The following SLC29A3 variants were observed in gnomAD, a reference collection of about 807,000 sequenced individuals.
The protein encoded by SLC29A3 is solute carrier family 29 member 3.
In SLC29A3, 18 loss-of-function variants were observed where a neutral mutation model predicts 25.4. The observed-to-expected ratio is 0.71, with a 90% CI of 0.49 to 1.05. The LOEUF is 1.05. Ranked by LOEUF, SLC29A3 falls within the 50% of genes least tolerant of loss-of-function variation. The pLI is 0.00. For synonymous variants in SLC29A3, 258 were observed against 267.1 expected (o/e 0.97, Z 0.33); for missense variants, 586 against 609.0 (o/e 0.96, Z 0.40).
rs139787525 is a variant in SLC29A3 at position 71,332,514 on chromosome 10, G to A, written c.300+9460G>A. On this transcript the variant is annotated intron_variant, in intron 2 of 5. Transcript: ENST00000373189. ...GAAGGGCACAACACCCCTCCTCCCC[G>A]CATAGAAAGAAGTGTATTAAAGTGG... Among the ~76,000 whole-genome samples the A allele has an allele frequency of 6.1e-3, 930 of 152,192 alleles. 11 individuals are homozygous for A. The highest frequency in any genetic ancestry group is 0.019 in the African/African-American group (788 of 41,532).
chr10:71,355,509 G>A (rs1316275136), intron 4 of SLC29A3, among the ~76,000 whole-genome samples: 1 of 152,180 alleles, frequency 6.6e-6, no homozygotes, highest in Non-Finnish European at 1.5e-5. Flanking sequence ...CCGCCTTGGG[G>A]TACACAGTAG....
intron 5 of SLC29A3, among the ~76,000 whole-genome samples, chr10:71,359,907 C>G (rs542523731): frequency 6.6e-6 from 1 of 152,324 alleles, no homozygotes; most frequent in East Asian, 1.9e-4. Flanking sequence ...GGTTGAGTGG[C>G]TCAGGCAAGG....
At chr10:71,351,889 G>C (rs1846775097) in intron 4 of SLC29A3, 101 bp downstream of exon 4, 2 of 1,000,950 alleles carry the variant, frequency 2.0e-6, no homozygotes, top group Non-Finnish European at 3.0e-6. Flanking sequence ...AAAAGGAAAT[G>C]GCATGGGTGC....
At chr10:71,346,981 T>C (rs567866171) in intron 3 of SLC29A3, among the ~76,000 whole-genome samples, 1 of 152,202 alleles carries the variant, frequency 6.6e-6, no homozygotes, top group Admixed American at 6.5e-5. Flanking sequence ...TACAGGACAT[T>C]CTCAGAGGGA....
chr10:71,379,056 A>C lies in SLC29A3; in HGVS notation c.*212-710A>C, dbSNP rs531745805. On this transcript the variant is annotated intron_variant and NMD_transcript_variant, in intron 4 of 4. Coordinates refer to the SLC29A3 transcript ENST00000642772. The stretch of plus-strand genomic sequence containing the variant: ...ATGCTTTGCTCTCATTGTCTGCTTC[A>C]CCCTCACAATGCCTCAGTTGAGAGG... 2.0e-5 allele frequency among the ~76,000 whole-genome samples: 3 copies of C among 152,164 alleles called. No homozygotes were observed. The South Asian group carries it at 6.2e-4, about 32-fold the overall frequency.
downstream of SLC29A3, chr10:71,365,855 G>A (rs778288047): frequency 3.3e-5 from 5 of 152,146 alleles, no homozygotes; most frequent in Non-Finnish European, 5.9e-5. Flanking sequence ...CACCAAAAAG[G>A]AGGGGAGTTT....
At chr10:71,334,403 CACTT>C (rs961869062) in intron 2 of SLC29A3, among the ~76,000 whole-genome samples, 3 of 152,226 alleles carry the variant, frequency 2.0e-5, no homozygotes, top group Admixed American at 6.5e-5. Flanking sequence ...TGGGAACACT[CACTT>C]ACAGCTCTTT....
intron 4 of SLC29A3, among the ~76,000 whole-genome samples, chr10:71,355,288 C>T (rs968650261): frequency 6.6e-6 from 1 of 152,210 alleles, no homozygotes; most frequent in Non-Finnish European, 1.5e-5. Flanking sequence ...CCCGTTGGCA[C>T]CCGAGTAGGT....
exon 5 of SLC29A3, chr10:71,379,926 C>A (rs1177575164): frequency 6.6e-6 from 1 of 152,192 alleles, no homozygotes; most frequent in Non-Finnish European, 1.5e-5. Flanking sequence ...CCCTCAAGGT[C>A]CATCCCTATA....
At chr10:71,350,086 G>C (rs12261581) in intron 3 of SLC29A3, among the ~76,000 whole-genome samples, 4,517 of 152,252 alleles carry the variant, frequency 0.03, 217 homozygotes, top group African/African-American at 0.1. Context: ...TGAGTGATGG[G>C]CTGGGGCTCA....
intron 3 of SLC29A3, among the ~76,000 whole-genome samples, chr10:71,346,221 C>T (rs570176653): frequency 2.0e-5 from 3 of 152,354 alleles, no homozygotes; most frequent in South Asian, 4.1e-4. Context: ...AGGGAACGTC[C>T]AGCCTCTGGG....
chr10:71,322,981 A>G lies in SLC29A3; in HGVS notation c.227A>G (p.Glu76Gly). 1 of 1,614,138 alleles carries G rather than the reference A, an allele frequency of 6.2e-7. No individual in the cohort carries two copies. Among genetic ancestry groups the G allele is most frequent in the Non-Finnish European group, 8.5e-7 (1 of 1,180,040 alleles). Residue 76 changes from glutamate (E) to glycine (G), a missense_variant, in exon 2 of 6, where the codon GAG (glutamate) becomes GGG (glycine). By Grantham distance (98) the Glu-to-Gly change is moderately conservative. Transcript: ENST00000373189. ...LPWNFFITAK[E>G]YWMFKLRNSS... ...TGGAACTTCTTTATCACTGCCAAGG[A>G]GTACTGGATGTTCAAACTCCGCAAC...
chr10:71,338,971 T>A (rs1846325072), intron 2 of SLC29A3, among the ~76,000 whole-genome samples: 2 of 152,172 alleles, frequency 1.3e-5, no homozygotes, highest in Non-Finnish European at 2.9e-5. Context: ...GGCTTGTGCC[T>A]CCAGGAGACA....
At chr10:71,360,110 GCT>G (rs1343478518) in intron 5 of SLC29A3, among the ~76,000 whole-genome samples, 1 of 147,440 alleles carries the variant, frequency 6.8e-6, no homozygotes, top group East Asian at 2.0e-4. Context: ...TGTGGTCCTT[GCT>G]CCAGGAACCT....
At chr10:71,322,678 T>C in intron 1 of SLC29A3, 78 bp from the exon 2 acceptor site, 1 of 1,555,392 alleles carries the variant, frequency 6.4e-7, no homozygotes, top group Non-Finnish European at 8.8e-7. Context: ...TTTTGTAGGC[T>C]GGGTGGGTCC....
rs16928737 is a variant in SLC29A3, at chr10:71,351,775, G to A, written c.597G>A (p.Gln199=). ...MTGSFPMRNS[Q]ALISGGAMGG... ...GCTCCTTTCCTATGAGGAACTCCCA[G>A]GCACTGATATCAGGTGAGAGCCAGG... Residue 199 remains glutamine, a synonymous_variant, in exon 4 of 6, where the codon CAG becomes CAA. Coordinates refer to ENST00000373189, the MANE Select transcript of SLC29A3 (RefSeq NM_018344.6). The A allele has an allele frequency of 6.6e-3, 10,687 of 1,612,488 alleles. 517 individuals carry two copies. In the African/African-American group the frequency reaches 0.11, roughly 17 times the overall value.
chr10:71,347,041 G>T (rs1214106566), intron 3 of SLC29A3, among the ~76,000 whole-genome samples: 2 of 152,122 alleles, frequency 1.3e-5, no homozygotes, highest in East Asian at 1.9e-4. Context: ...CTAGGAGAGG[G>T]GGCAAGGGCA....
At chr10:71,320,548 G>A (rs570567915) in intron 1 of SLC29A3, among the ~76,000 whole-genome samples, 1 of 152,282 alleles carries the variant, frequency 6.6e-6, no homozygotes, top group East Asian at 1.9e-4. Context: ...ATGAGTGGGT[G>A]CATGTGGAAA....
At chr10:71,378,454 T>A (rs147956564) in intron 4 of SLC29A3, among the ~76,000 whole-genome samples, 1 of 152,308 alleles carries the variant, frequency 6.6e-6, no homozygotes, top group East Asian at 1.9e-4. Flanking sequence ...GTGAATGCCC[T>A]CAGAAGCAGC....
Sources: allele counts gnomAD v4.1 joint callset (sites outside exome capture counted in the v4.1 genomes callset), GRCh38; gene constraint gnomAD v4.1.1; transcripts MANE v1.5; gene names NCBI Gene and HGNC (gene_info 2026-07-23, HGNC 2026-07-21).